Variants in WNT9B observed in about 807,000 individuals in gnomAD.
The protein encoded by WNT9B is protein Wnt-9b.
WNT9B carries 12 observed loss-of-function variants against 30.2 expected under a neutral mutation model. The observed-to-expected ratio is 0.40, with a 90% CI of 0.26 to 0.64. The LOEUF (loss-of-function observed/expected upper bound fraction) is 0.64, where lower values mean the gene tolerates loss of function less well. WNT9B is among the 30% of genes least tolerant of loss of function. WNT9B has a pLI of 0.42. For synonymous variants in WNT9B, 218 were observed against 216.9 expected, an observed-to-expected ratio of 1.01 and a Z score of -0.05; for missense variants, 442 against 485.2, an observed-to-expected ratio of 0.91 and a Z score of 0.84.
At chr17:46,853,082 T>G (rs2084881275) in intron 1 of WNT9B, among the ~76,000 whole-genome samples, 1 of 152,180 alleles carries the variant, frequency 6.6e-6, no homozygotes, top group African/African-American at 2.4e-5. Flanking sequence ...CCAACAGCAG[T>G]GCACAACTTG....
At chr17:46,856,793 A>AT (rs1419626008) in intron 1 of WNT9B, among the ~76,000 whole-genome samples, 4 of 152,168 alleles carry the variant, frequency 2.6e-5, no homozygotes, top group Non-Finnish European at 5.9e-5. Context: ...CAATGCATGC[A>AT]TTTTAAATTG....
At chr17:46,885,034 G>T, downstream of WNT9B, 2 of 438,736 alleles carry the variant, frequency 4.6e-6, no homozygotes, top group South Asian at 3.3e-5. Flanking sequence ...TGTTGCGCAG[G>T]TTGGAGTGCA....
chr17:46,857,749 A>C (rs1180798501), intron 1 of WNT9B, among the ~76,000 whole-genome samples: 1 of 152,162 alleles, frequency 6.6e-6, no homozygotes, highest in East Asian at 1.9e-4. Context: ...ATCAGTTTTA[A>C]CTTGTGGCTA....
chr17:46,850,975 CAG>C (rs1701822088), upstream of WNT9B, among the ~76,000 whole-genome samples: 1 of 152,366 alleles, frequency 6.6e-6, no homozygotes, highest in South Asian at 2.1e-4. Context: ...CGTTTAAAAA[CAG>C]AGCGCCCTTT....
In WNT9B at chr17:46,875,339, C is replaced by G. The variant is rs142428656; in HGVS notation, c.573C>G (p.Asp191Glu). 4 of 1,610,640 alleles carry G rather than the reference C, an allele frequency of 2.5e-6. No individual in the cohort carries two copies. The highest frequency in any genetic ancestry group is 3.4e-6 in the Non-Finnish European group (4 of 1,177,754). Reference protein sequence around the residue: ...RGNKDLRARADAHNTHVGIKA... With the variant: ...RGNKDLRARAEAHNTHVGIKA... ...ACAAGGACCTGCGGGCACGGGCAGA[C>G]GCCCACAATACCCACGTGGGCATCA... The change falls in exon 3 of 4, where the codon GAC (aspartate) becomes GAG (glutamate). Residue 191 changes from aspartate to glutamate, a missense_variant. Transcript: ENST00000290015.
upstream of WNT9B, among the ~76,000 whole-genome samples, chr17:46,851,005 C>T (rs2084834628): frequency 6.6e-6 from 1 of 152,216 alleles, no homozygotes; most frequent in African/African-American, 2.4e-5. This position sits in a 1 kb window ranked among gnomAD's most constrained non-coding sequence, Gnocchi z 4.3. Context: ...CCCCTCTGCC[C>T]AAGACTCTTT....
chr17:46,843,752 G>C (rs935811477), intron 1 of WNT9B, among the ~76,000 whole-genome samples: 1 of 152,102 alleles, frequency 6.6e-6, no homozygotes, highest in Non-Finnish European at 1.5e-5. Flanking sequence ...AACAATACCT[G>C]GTGTAATGTA....
At chr17:46,837,778 A>G (rs895539660) in intron 1 of WNT9B, among the ~76,000 whole-genome samples, 1 of 152,204 alleles carries the variant, frequency 6.6e-6, no homozygotes, top group African/African-American at 2.4e-5. Context: ...CTGACCTGGT[A>G]TATGCCTTCA....
At chr17:46,833,382 T>C (rs531622046) in exon 1 of WNT9B, 4 of 518,630 alleles carry the variant, frequency 7.7e-6, no homozygotes, top group Admixed American at 5.8e-5. Context: ...TCCTCTGGCA[T>C]GCCAAGGCCT....
chr17:46,877,742 TGAA>T lies in WNT9B; in HGVS notation c.*1028_*1030del, dbSNP rs1395988049. 1.3e-5 allele frequency among the ~76,000 whole-genome samples: 2 copies of T among 152,180 alleles called. No homozygotes were observed. The highest frequency in any genetic ancestry group is 4.8e-5 in the African/African-American group (2 of 41,452). On this transcript the variant is annotated 3_prime_UTR_variant, in exon 4 of 4. Transcript: ENST00000290015. Reference sequence around the variant, plus strand: ...CCCATACCAGCTGAGTTCACAATACTGAAGAACAGCTGGCTCACGAGCTATGAC... The same window carrying T: ...CCCATACCAGCTGAGTTCACAATACTGAACAGCTGGCTCACGAGCTATGAC...
chr17:46,836,002 T>A (rs2084624405), intron 1 of WNT9B, among the ~76,000 whole-genome samples: 1 of 151,974 alleles, frequency 6.6e-6, no homozygotes, highest in South Asian at 2.1e-4. Flanking sequence ...AAAGTTATTG[T>A]GCCCACACAT....
At chr17:46,883,052 C>T (rs964642941), downstream of WNT9B, among the ~76,000 whole-genome samples, 2 of 152,060 alleles carry the variant, frequency 1.3e-5, no homozygotes, top group African/African-American at 4.8e-5. Flanking sequence ...GATCTCTGCT[C>T]ACTGCAAGCT....
At chr17:46,842,648 CAG>C (rs1651121152) in intron 1 of WNT9B, among the ~76,000 whole-genome samples, 1 of 152,212 alleles carries the variant, frequency 6.6e-6, no homozygotes, top group Non-Finnish European at 1.5e-5. Flanking sequence ...GCTGGGATTA[CAG>C]GCATGAGCCA....
At chr17:46,855,625 T>C (rs1598842105) in intron 1 of WNT9B, among the ~76,000 whole-genome samples, 1 of 152,340 alleles carries the variant, frequency 6.6e-6, no homozygotes, top group South Asian at 2.1e-4. Context: ...ACTTCTGTGA[T>C]GTTGTATAAA....
intron 1 of WNT9B, among the ~76,000 whole-genome samples, chr17:46,834,652 C>T (rs906254206): frequency 1.3e-5 from 2 of 152,176 alleles, no homozygotes; most frequent in African/African-American, 4.8e-5. Flanking sequence ...TCCTTCTCGC[C>T]TGCCTCCTCC....
At chr17:46,854,969 C>T (rs750457599) in intron 1 of WNT9B, among the ~76,000 whole-genome samples, 86 of 152,192 alleles carry the variant, frequency 5.7e-4, no homozygotes, top group Non-Finnish European at 1.1e-3. Context: ...CCATCACTTT[C>T]TCATACAGCC....
At chr17:46,839,595 C>CA (rs1319507876) in intron 1 of WNT9B, among the ~76,000 whole-genome samples, 1 of 152,140 alleles carries the variant, frequency 6.6e-6, no homozygotes, top group Admixed American at 6.5e-5. Flanking sequence ...AGGTTTGTTA[C>CA]ATAGGTATAC....
Position 46,836,013 on chromosome 17 carries a change from T to TCTGGATGGGGCC in WNT9B, c.95+2574_95+2585dup, listed in dbSNP as rs1337197746. 2.6e-5 allele frequency among the ~76,000 whole-genome samples: 4 copies of TCTGGATGGGGCC among 151,414 alleles called. No homozygotes were observed. In the East Asian group the frequency reaches 7.8e-4, roughly 30 times the overall value. On this transcript the variant is annotated intron_variant, in intron 1 of 2. Coordinates refer to the WNT9B transcript ENST00000575372. ...CCTTAAAGTTATTGTGCCCACACATTCTGGATGGGGCCTGCGAGGATGGTC... is the reference window on the plus strand; with the variant it reads ...CCTTAAAGTTATTGTGCCCACACATTCTGGATGGGGCCCTGGATGGGGCCTGCGAGGATGGTC...
At chr17:46,868,459 G>A (rs1598856973) in intron 1 of WNT9B, among the ~76,000 whole-genome samples, 1 of 152,152 alleles carries the variant, frequency 6.6e-6, no homozygotes, top group African/African-American at 2.4e-5. Context: ...AGCTGGGCGT[G>A]GTGGCACGTG....
Sources: gnomAD v4.1 joint callset for allele counts (sites outside exome capture counted in the v4.1 genomes callset) on GRCh38, gnomAD v4.1.1 for gene constraint, Gnocchi (gnomAD v3.1) non-coding constraint, MANE v1.5 for transcripts, NCBI Gene and HGNC (gene_info 2026-07-23, HGNC 2026-07-21) for gene names.